COL5A2: variants seen among roughly 807,000 people sequenced by gnomAD.
COL5A2 encodes the protein collagen alpha-2(V) chain.
Under a neutral mutation model 208.2 loss-of-function variants are expected in COL5A2, and 23 were observed. That is an observed-to-expected ratio of 0.11 (90% CI 0.08 to 0.16). COL5A2 has a LOEUF of 0.16. Ranked by LOEUF, COL5A2 falls within the 10% of genes least tolerant of loss-of-function variation. The probability of loss-of-function intolerance (pLI) is 1.00; values close to 1 mark genes in which losing one functional copy is unlikely to be tolerated. For missense variants in COL5A2, 1,590 were observed against 1,956.4 expected, an observed-to-expected ratio of 0.81 and a Z score of 3.53; for synonymous variants, 625 against 628.5, an observed-to-expected ratio of 0.99 and a Z score of 0.08.
chr2:189,184,913 G>C (rs1336721017), intron 1 of COL5A2, among the ~76,000 whole-genome samples: 1 of 152,084 alleles, frequency 6.6e-6, no homozygotes, highest in Non-Finnish European at 1.5e-5. Flanking sequence ...TTAGACACGA[G>C]GTTTATCATT....
chr2:189,433,869 GAC>G, the COL5A2 span, among the ~76,000 whole-genome samples: 2 of 152,098 alleles, frequency 1.3e-5, no homozygotes, highest in South Asian at 2.1e-4. Context: ...TCCTGGCAGA[GAC>G]ACAACAAAAA....
At chr2:189,202,822 C>T (rs947696945) in intron 1 of COL5A2, among the ~76,000 whole-genome samples, 2 of 152,046 alleles carry the variant, frequency 1.3e-5, no homozygotes, top group Non-Finnish European at 2.9e-5. Context: ...ATTTATTAAC[C>T]TTTTCTAGTT....
chr2:189,068,187 G>T, intron 20 of COL5A2, 39 bp downstream of exon 20: 1 of 1,608,824 alleles, frequency 6.2e-7, no homozygotes, highest in Admixed American at 1.7e-5. Flanking sequence ...AAAGAATCAT[G>T]CCCATTTGAG....
the COL5A2 span, among the ~76,000 whole-genome samples, chr2:189,303,906 A>G: frequency 6.6e-6 from 1 of 152,102 alleles, no homozygotes; most frequent in East Asian, 1.9e-4. Context: ...CGAGTCATGA[A>G]TCGTTCTTTG....
intron 1 of COL5A2, among the ~76,000 whole-genome samples, chr2:189,211,879 G>A (rs1282479237): frequency 6.6e-6 from 1 of 152,172 alleles, no homozygotes; most frequent in African/African-American, 2.4e-5. Flanking sequence ...ATATATAAAT[G>A]TGTGGGTACA....
chr2:189,093,620 C>A (rs961914601), intron 6 of COL5A2, among the ~76,000 whole-genome samples: 7 of 152,100 alleles, frequency 4.6e-5, no homozygotes, highest in African/African-American at 1.4e-4. Context: ...GACAAACAAG[C>A]AAATTTATCT....
chr2:189,123,591 C>T (rs1687552449), intron 1 of COL5A2, among the ~76,000 whole-genome samples: 1 of 152,054 alleles, frequency 6.6e-6, no homozygotes, highest in African/African-American at 2.4e-5. Context: ...TCAAGCACCC[C>T]TAGGAAAGTA....
the COL5A2 span, among the ~76,000 whole-genome samples, chr2:189,373,152 C>A: frequency 6.6e-6 from 1 of 152,156 alleles, no homozygotes; most frequent in Non-Finnish European, 1.5e-5. Context: ...ATTTTCTTCC[C>A]CAAAGGATGC....
intron 1 of COL5A2, among the ~76,000 whole-genome samples, chr2:189,187,775 C>A (rs1688871377): frequency 6.6e-6 from 1 of 152,034 alleles, no homozygotes; most frequent in Admixed American, 6.6e-5. Flanking sequence ...CGAGACCATC[C>A]TGGCGAACAT....
At chr2:189,294,534 A>C in the COL5A2 span, among the ~76,000 whole-genome samples, 2 of 152,216 alleles carry the variant, frequency 1.3e-5, no homozygotes, top group South Asian at 4.1e-4. Flanking sequence ...CACATTTGTC[A>C]GTGCAATCAA....
At chr2:189,225,897 G>C (rs1270601897), upstream of COL5A2, among the ~76,000 whole-genome samples, 1 of 152,060 alleles carries the variant, frequency 6.6e-6, no homozygotes, top group East Asian at 1.9e-4. Flanking sequence ...TGCTTTCTCT[G>C]ACTCCTGGGT....
At chr2:189,125,391 C>T (rs1687587747) in intron 1 of COL5A2, among the ~76,000 whole-genome samples, 1 of 152,116 alleles carries the variant, frequency 6.6e-6, no homozygotes, top group Non-Finnish European at 1.5e-5. Context: ...ATATCCACAC[C>T]AAATTGCACA....
chr2:189,064,972 C>G (rs113029552), intron 24 of COL5A2, 32 bp downstream of exon 24: 4 of 1,609,506 alleles, frequency 2.5e-6, no homozygotes, highest in Non-Finnish European at 3.4e-6. Context: ...GCACCCCCCA[C>G]GTAAGTATCA....
chr2:189,258,914 C>G, the COL5A2 span, among the ~76,000 whole-genome samples: 1,387 of 152,246 alleles, frequency 9.1e-3, 10 homozygotes, highest in Non-Finnish European at 0.014. Context: ...CTCTGACAGC[C>G]AATGAGCCAG....
chr2:189,423,200 C>T, the COL5A2 span, among the ~76,000 whole-genome samples: 44 of 151,944 alleles, frequency 2.9e-4, no homozygotes, highest in South Asian at 8.9e-3. Flanking sequence ...AAGAAATCTA[C>T]ACTGAAAATC....
intron 11 of COL5A2, among the ~76,000 whole-genome samples, chr2:189,084,292 T>A (rs549329912): frequency 6.6e-6 from 1 of 152,338 alleles, no homozygotes; most frequent in Admixed American, 6.5e-5. Flanking sequence ...ATTTTCTTGG[T>A]CTGATGTAGC....
chr2:189,061,571 T>G lies in COL5A2; in HGVS notation c.2022A>C (p.Thr674=), dbSNP rs945951207. 6.2e-7 allele frequency: 1 copy of G among 1,612,822 alleles called. No homozygotes were observed. Among genetic ancestry groups the G allele is most frequent in the Admixed American group, 1.7e-5 (1 of 59,986 alleles). Residue 674 remains threonine (T), a synonymous_variant, in exon 30 of 54, where the codon ACA becomes ACC. Coordinates refer to ENST00000374866, the MANE Select transcript of COL5A2 (RefSeq NM_000393.5). ...ERGEQGPPGP[T]GFQGLPGPPG... ...CCGAATTAGTGCATACCTGAAAACC[T>G]GTGGGGCCTGGAGGTCCTTGTTCTC...
the COL5A2 span, among the ~76,000 whole-genome samples, chr2:189,270,453 G>A: frequency 6.6e-5 from 10 of 152,128 alleles, no homozygotes; most frequent in African/African-American, 1.9e-4. Flanking sequence ...TTCAAAGAAC[G>A]TATTCGTTTC....
chr2:189,322,723 T>C, the COL5A2 span, among the ~76,000 whole-genome samples: 1 of 152,152 alleles, frequency 6.6e-6, no homozygotes, highest in Non-Finnish European at 1.5e-5. Flanking sequence ...ACCAGACGGA[T>C]ACACAGCCGA....
Sources: allele counts gnomAD v4.1 joint callset (sites outside exome capture counted in the v4.1 genomes callset), GRCh38; gene constraint gnomAD v4.1.1; transcripts MANE v1.5; gene names NCBI Gene and HGNC (gene_info 2026-07-23, HGNC 2026-07-21).